Variants in GPC5 observed in about 807,000 individuals in gnomAD.
GPC5 encodes the protein glypican 5.
A neutral mutation model predicts 53.9 loss-of-function variants in GPC5; 47 were observed. The observed-to-expected ratio is 0.87, with a 90% CI of 0.69 to 1.11. The LOEUF is 1.11. Ranked by LOEUF, GPC5 falls within the 50% of genes most tolerant of loss-of-function variation. The pLI is 0.00. For missense variants in GPC5, 748 were observed against 713.1 expected, an observed-to-expected ratio of 1.05 and a Z score of -0.56; for synonymous variants, 286 against 263.3, an observed-to-expected ratio of 1.09 and a Z score of -0.84.
At chr13:92,708,408 T>C (rs1481310896) in intron 7 of GPC5, among the ~76,000 whole-genome samples, 1 of 152,152 alleles carries the variant, frequency 6.6e-6, no homozygotes, top group African/African-American at 2.4e-5. Context: ...CTGCCTCAAA[T>C]AGAGTAACAA....
chr13:91,831,850 G>T (rs2138856283), intron 5 of GPC5, among the ~76,000 whole-genome samples: 1 of 152,046 alleles, frequency 6.6e-6, no homozygotes, highest in African/African-American at 2.4e-5. Flanking sequence ...CCATTCTTTT[G>T]CATTTGCTGA....
chr13:92,769,184 A>G (rs983468760), intron 7 of GPC5, among the ~76,000 whole-genome samples: 1 of 152,194 alleles, frequency 6.6e-6, no homozygotes, highest in African/African-American at 2.4e-5. Flanking sequence ...CTTTTTGTGC[A>G]CTGGCAAGCT....
At chr13:92,773,161 A>G (rs563207244) in intron 7 of GPC5, among the ~76,000 whole-genome samples, 14 of 152,302 alleles carry the variant, frequency 9.2e-5, no homozygotes, top group Middle Eastern at 3.4e-3. Context: ...AGAATTTAGT[A>G]TAATATATTG....
chr13:92,048,755 T>C (rs987145401), intron 6 of GPC5, among the ~76,000 whole-genome samples: 3 of 152,214 alleles, frequency 2.0e-5, no homozygotes, highest in Non-Finnish European at 4.4e-5. Flanking sequence ...TTTTATCAGA[T>C]TGTCTTTCAT....
At chr13:92,209,802 A>G (rs1383890614) in intron 7 of GPC5, among the ~76,000 whole-genome samples, 1 of 152,170 alleles carries the variant, frequency 6.6e-6, no homozygotes, top group African/African-American at 2.4e-5. Context: ...ATAGATATAT[A>G]TATAAAGGGG....
At chr13:91,947,337 A>T (rs1421319641) in intron 6 of GPC5, among the ~76,000 whole-genome samples, 1 of 152,134 alleles carries the variant, frequency 6.6e-6, no homozygotes, top group African/African-American at 2.4e-5. Flanking sequence ...CACTACCTCT[A>T]TTCTCCTGCT....
At chr13:91,542,623 C>T (rs1415015092) in intron 2 of GPC5, among the ~76,000 whole-genome samples, 2 of 152,198 alleles carry the variant, frequency 1.3e-5, no homozygotes, top group African/African-American at 4.8e-5. Flanking sequence ...TTGCATCCCT[C>T]CTTAGGGCTC....
At chr13:92,266,903 TA>T (rs1566510768) in intron 7 of GPC5, among the ~76,000 whole-genome samples, 3 of 151,690 alleles carry the variant, frequency 2.0e-5, no homozygotes, top group Non-Finnish European at 4.4e-5. Context: ...TTTTGTTAAA[TA>T]AAAAACTTAA....
chr13:91,823,441 T>C (rs886542215), intron 5 of GPC5, among the ~76,000 whole-genome samples: 2 of 152,074 alleles, frequency 1.3e-5, no homozygotes, highest in Admixed American at 1.3e-4. Context: ...AATCATAAAT[T>C]AGAGTAAAAT....
At chr13:92,158,020 A>G (rs1175322191) in intron 7 of GPC5, among the ~76,000 whole-genome samples, 1 of 152,222 alleles carries the variant, frequency 6.6e-6, no homozygotes, top group Non-Finnish European at 1.5e-5. Flanking sequence ...AATAGTAGAG[A>G]ATGATCCATT....
chr13:91,746,827 C>T (rs1243337508), intron 4 of GPC5, among the ~76,000 whole-genome samples: 1 of 152,050 alleles, frequency 6.6e-6, no homozygotes, highest in Non-Finnish European at 1.5e-5. Flanking sequence ...AAAAATAAGA[C>T]TCTATTTATT....
intron 7 of GPC5, among the ~76,000 whole-genome samples, chr13:92,437,462 G>C (rs1877354393): frequency 6.6e-6 from 1 of 151,932 alleles, no homozygotes; most frequent in Non-Finnish European, 1.5e-5. Flanking sequence ...TTATTAACCT[G>C]TAAATAATAT....
At position 92,159,593 on chromosome 13, in the gene GPC5, C is replaced by CTTTTTTTTT. The variant is rs71120074; in HGVS notation, c.1561+14623_1561+14631dup. On this transcript the variant is annotated intron_variant, in intron 7 of 7. Coordinates refer to ENST00000377067, the MANE Select transcript of GPC5 (RefSeq NM_004466.6). Reference sequence around the variant, plus strand: ...CTATGTAATCACTAATACCAATGTTCTTTTTTTTTTTTTTTTTTTTTTTTT... The same window carrying CTTTTTTTTT: ...CTATGTAATCACTAATACCAATGTTCTTTTTTTTTTTTTTTTTTTTTTTTTTTTTTTTTT... Among the ~76,000 whole-genome samples, 253 of 57,216 alleles carry CTTTTTTTTT rather than the reference C, an allele frequency of 4.4e-3. 35 individuals carry two copies. Among genetic ancestry groups the CTTTTTTTTT allele is most frequent in the Non-Finnish European group, 5.1e-3 (152 of 30,054 alleles). The allele number at this position is 57,216 out of a possible 152,430, so 37.5% of individuals were successfully genotyped here. A position where few individuals can be genotyped will look rare whatever the true frequency, so the allele number is the denominator to read the frequency against.
intron 7 of GPC5, among the ~76,000 whole-genome samples, chr13:92,790,187 G>T (rs1876411097): frequency 6.6e-6 from 1 of 151,882 alleles, no homozygotes; most frequent in Admixed American, 6.6e-5. Flanking sequence ...ATCTCCTTTG[G>T]CAACACCCTC....
intron 2 of GPC5, among the ~76,000 whole-genome samples, chr13:91,630,950 G>A (rs1218825823): frequency 1.3e-5 from 2 of 151,902 alleles, no homozygotes; most frequent in Non-Finnish European, 2.9e-5. Flanking sequence ...CTTAACCATA[G>A]GTCCAACATC....
At chr13:91,950,104 C>A (rs2040012646) in intron 6 of GPC5, among the ~76,000 whole-genome samples, 1 of 151,970 alleles carries the variant, frequency 6.6e-6, no homozygotes, top group Non-Finnish European at 1.5e-5. Flanking sequence ...ATGGCAGGTA[C>A]AGAGTTGGGC....
chr13:91,960,894 T>C (rs1383569709), intron 6 of GPC5, among the ~76,000 whole-genome samples: 1 of 151,818 alleles, frequency 6.6e-6, no homozygotes, highest in African/African-American at 2.4e-5. Flanking sequence ...GTTTCACATA[T>C]ACAAAAATCA....
intron 2 of GPC5, among the ~76,000 whole-genome samples, chr13:91,636,273 C>T (rs1162838892): frequency 1.3e-5 from 2 of 152,062 alleles, no homozygotes; most frequent in African/African-American, 4.8e-5. Context: ...CCTTTAGCAT[C>T]ATGACTGTGT....
At chr13:92,792,809 G>A (rs1344262787) in intron 7 of GPC5, among the ~76,000 whole-genome samples, 1 of 152,104 alleles carries the variant, frequency 6.6e-6, no homozygotes, top group Non-Finnish European at 1.5e-5. Context: ...TAATGGTAAA[G>A]GCATCAATTC....
Sources: allele counts gnomAD v4.1 joint callset (sites outside exome capture counted in the v4.1 genomes callset), GRCh38; gene constraint gnomAD v4.1.1; transcripts MANE v1.5; gene names NCBI Gene and HGNC (gene_info 2026-07-23, HGNC 2026-07-21).